Variants in MYLK2 observed in about 807,000 individuals in gnomAD.
MYLK2 encodes myosin light chain kinase 2.
In MYLK2, 27 loss-of-function variants were observed where a neutral mutation model predicts 58.2. The observed-to-expected ratio is 0.46, with a 90% CI of 0.34 to 0.64. MYLK2 has a LOEUF of 0.64. Among genes scored for constraint, MYLK2 ranks in the 30% least tolerant of loss-of-function variants. The probability of loss-of-function intolerance (pLI) is 0.01; values close to 1 mark genes in which losing one functional copy is unlikely to be tolerated. For missense variants in MYLK2, 676 were observed against 764.3 expected (o/e 0.88, Z 1.36); for synonymous variants, 310 against 296.7 (o/e 1.04, Z -0.46).
At position 31,826,683 on chromosome 20, in the gene MYLK2, A is replaced by T. The variant is rs2062281279; in HGVS notation, c.1051A>T (p.Thr351Ser). Residue 351 changes from threonine to serine, a missense_variant, in exon 7 of 13, where the codon ACT (threonine) becomes TCT (serine). Physicochemically the swap from Thr to Ser is moderately conservative, Grantham distance 58. Coordinates refer to ENST00000375985, the MANE Select transcript of MYLK2 (RefSeq NM_033118.4). ...NLIQLYAAIE[T>S]PHEIVLFMEY... ...GATCCAGCTGTATGCAGCCATCGAG[A>T]CTCCGCATGAGATCGTCCTGTTCAT... 1 of 1,613,410 alleles carries T rather than the reference A, an allele frequency of 6.2e-7. No homozygotes were observed. The highest frequency in any genetic ancestry group is 2.2e-5 in the East Asian group (1 of 44,858).
rs1271778499 is a variant in MYLK2, at chr20:31,826,788, T to C, written c.1083-9T>C. On this transcript the variant is annotated splice_polypyrimidine_tract_variant and intron_variant, in intron 7 of 12. Transcript: ENST00000375985. ...ACGGAGCAAGCCGTGGAGGGGTCTGTGCACACAGCATCGAGGGCGGAGAGC... is the reference window on the plus strand; with the variant it reads ...ACGGAGCAAGCCGTGGAGGGGTCTGCGCACACAGCATCGAGGGCGGAGAGC... 1 of 1,613,974 alleles carries C rather than the reference T, an allele frequency of 6.2e-7. No individual in the cohort carries two copies. Among genetic ancestry groups the C allele is most frequent in the Non-Finnish European group, 8.5e-7 (1 of 1,180,002 alleles).
Position 31,832,007 on chromosome 20 carries a change from C to G in MYLK2, c.1581C>G (p.Ala527=). 5 of 1,610,408 alleles carry G rather than the reference C, an allele frequency of 3.1e-6. No individual in the cohort carries two copies. The highest frequency in any genetic ancestry group is 4.2e-6 in the Non-Finnish European group (5 of 1,178,292). The change falls in exon 12 of 13, where the codon GCC becomes GCG. Residue 527 remains alanine (A), a synonymous_variant. Transcript: ENST00000375985. ...CACCATGCTGCCTCTCCCCCAGGGC[C>G]CGGATGAACGCTGCCCAGTGTCTCG... ...VSNLIVKDQR[A]RMNAAQCLAH...
At position 31,829,135 on chromosome 20, in the gene MYLK2, G is replaced by A. The variant is rs116712987; in HGVS notation, c.1225-1684G>A. 6.7e-3 allele frequency among the ~76,000 whole-genome samples: 1,020 copies of A among 152,298 alleles called. 16 individuals are homozygous for A. Among genetic ancestry groups the A allele is most frequent in the African/African-American group, 0.023 (969 of 41,548 alleles). ...GACATTGGAAGACTGCCTTTCCCTA[G>A]TGAAGGCTAATTTCTTTGGGGCAGA... On this transcript the variant is annotated intron_variant, in intron 8 of 12. Transcript: ENST00000375985.
At position 31,831,160 on chromosome 20, in the gene MYLK2, C is replaced by T. The variant is rs549728739; in HGVS notation, c.1424+19C>T. Reference sequence around the variant, plus strand: ...ACATGCTGTGAGCTCCCAGGCGGGTCGTGTTTATGGGGTTGGTGGGGCATG... The same window carrying T: ...ACATGCTGTGAGCTCCCAGGCGGGTTGTGTTTATGGGGTTGGTGGGGCATG... On this transcript the variant is annotated intron_variant, in intron 10 of 12. Transcript: ENST00000375985. The T allele has an allele frequency of 1.9e-5, 30 of 1,613,782 alleles. No homozygotes were observed. Among genetic ancestry groups the T allele is most frequent in the Middle Eastern group, 3.3e-4 (2 of 6,060 alleles).
At chr20:31,831,901 G>A in intron 11 of MYLK2, 46 bp downstream of exon 11, 1 of 1,613,842 alleles carries the variant, frequency 6.2e-7, no homozygotes, top group Admixed American at 1.7e-5. Context: ...CAAGCTTAGT[G>A]TGTCTGAGTG....
intron 8 of MYLK2, among the ~76,000 whole-genome samples, chr20:31,829,006 G>A (rs1319385848): frequency 2.0e-5 from 3 of 152,162 alleles, no homozygotes; most frequent in Non-Finnish European, 4.4e-5. Context: ...CTGAGGGTTT[G>A]CATGTGTGAG....
At position 31,819,382 on chromosome 20, in the gene MYLK2, A is replaced by C; in HGVS notation, c.-95A>C. 1.5e-6 allele frequency: 1 copy of C among 672,530 alleles called. No homozygotes were observed. 41.7% of individuals were successfully genotyped at this position (672,530 alleles called of 1,614,324 possible). A position where few individuals can be genotyped will look rare whatever the true frequency, so the allele number is the denominator to read the frequency against. ...CAACTGCCCAGGACTGCTCCTGAGC[A>C]GCCGCTGGGAGACAGACGGCAACCA... On this transcript the variant is annotated 5_prime_UTR_variant, in exon 1 of 13. Coordinates refer to ENST00000375985, the MANE Select transcript of MYLK2 (RefSeq NM_033118.4).
intron 12 of MYLK2, among the ~76,000 whole-genome samples, chr20:31,832,653 T>C (rs766929197): frequency 6.6e-6 from 1 of 152,048 alleles, no homozygotes; most frequent in Non-Finnish European, 1.5e-5. Context: ...CCATCACACC[T>C]GGCTAATTTT....
At chr20:31,820,082 G>C (rs749848657) in intron 2 of MYLK2, 44 bp from the exon 3 acceptor site, 11 of 1,611,230 alleles carry the variant, frequency 6.8e-6, no homozygotes, top group Non-Finnish European at 9.3e-6. Context: ...TGAGAGGGAA[G>C]GAAAGGAGGG....
chr20:31,833,757 A>C lies in MYLK2; in HGVS notation c.1751A>C (p.Lys584Thr). Residue 584 changes from lysine (K) to threonine (T), a missense_variant, in exon 13 of 13, where the codon AAG becomes ACG. Lys to Thr is a moderately conservative substitution (Grantham distance 78). This residue lies in a region of MYLK2 where 370 missense variants were observed against 467.8 expected (regional missense o/e 0.79). Coordinates refer to ENST00000375985, the MANE Select transcript of MYLK2 (RefSeq NM_033118.4). ...IAVSAANRFK[K>T]ISSSGALMAL... ...GTCAGCGCTGCCAACCGCTTCAAGAAGATCAGCAGCTCGGGGGCACTGATG... is the reference window on the plus strand; with the variant it reads ...GTCAGCGCTGCCAACCGCTTCAAGACGATCAGCAGCTCGGGGGCACTGATG... 6.2e-7 allele frequency: 1 copy of C among 1,613,868 alleles called. No homozygotes were observed. The highest frequency in any genetic ancestry group is 1.3e-5 in the African/African-American group (1 of 75,048).
At chr20:31,826,557 A>G in intron 6 of MYLK2, 48 bp from the exon 7 acceptor site, 1 of 1,612,246 alleles carries the variant, frequency 6.2e-7, no homozygotes, top group Non-Finnish European at 8.5e-7. Flanking sequence ...GGTGGGTGGC[A>G]GGGAGTGATG....
At chr20:31,827,919 G>T (rs1454907929) in intron 8 of MYLK2, among the ~76,000 whole-genome samples, 2 of 102,946 alleles carry the variant, frequency 1.9e-5, no homozygotes, top group African/African-American at 4.1e-5. Flanking sequence ...AGAAAGTCTT[G>T]GTCTGTTGGC....
chr20:31,833,952 C>T lies in MYLK2; in HGVS notation c.*155C>T. 1 of 668,950 alleles carries T rather than the reference C, an allele frequency of 1.5e-6. No homozygotes were observed. Among genetic ancestry groups the T allele is most frequent in the South Asian group, 1.8e-5 (1 of 55,878 alleles). The allele number at this position is 668,950 out of a possible 1,614,324, so 41.4% of individuals were successfully genotyped here. On this transcript the variant is annotated 3_prime_UTR_variant, in exon 13 of 13. Transcript: ENST00000375985. ...GGAGGCTCGGGGCTCCCCACGCCCC[C>T]ATGCAGTGACCGCTTCCCCGATGTG...
At position 31,834,014 on chromosome 20, in the gene MYLK2, G is replaced by C. The variant is rs945164671; in HGVS notation, c.*217G>C. 1.0e-5 allele frequency: 6 copies of C among 579,412 alleles called. No individual in the cohort carries two copies. The South Asian group carries it at 1.2e-4, about 12-fold the overall frequency. 35.9% of individuals were successfully genotyped at this position (579,412 alleles called of 1,614,324 possible). On this transcript the variant is annotated 3_prime_UTR_variant, in exon 13 of 13. Coordinates refer to ENST00000375985, the MANE Select transcript of MYLK2 (RefSeq NM_033118.4). ...AGTGTGGCCTGGATCCATCCTGCTAGCACCTCCCCAGACAGGGCTCCAGCC... is the reference window on the plus strand; with the variant it reads ...AGTGTGGCCTGGATCCATCCTGCTACCACCTCCCCAGACAGGGCTCCAGCC...
At chr20:31,824,115 C>A in intron 5 of MYLK2, 144 bp from the exon 6 acceptor site, 1 of 1,515,994 alleles carries the variant, frequency 6.6e-7, no homozygotes, top group South Asian at 1.2e-5. Context: ...GGAGTCAGGG[C>A]TGGCTGGGGT....
At chr20:31,831,621 C>A in intron 10 of MYLK2, 82 bp from the exon 11 acceptor site, 1 of 1,503,786 alleles carries the variant, frequency 6.6e-7, no homozygotes. Context: ...CTCCTAGGAT[C>A]TGCCCCTGTT....
rs1291816049 is a variant in MYLK2, at chr20:31,823,698, T to C, written c.878+116T>C. 1.6e-5 allele frequency: 17 copies of C among 1,047,454 alleles called. No homozygotes were observed. The East Asian group carries it at 4.0e-4, about 25-fold the overall frequency. The allele number at this position is 1,047,454 out of a possible 1,614,324, so 64.9% of individuals were successfully genotyped here. ...CACACCCCGCTGAGACATGGCCACA[T>C]GGACATGTTCACCTCTGTGTGGGAC... On this transcript the variant is annotated intron_variant, in intron 5 of 12. Transcript: ENST00000375985.
intron 6 of MYLK2, among the ~76,000 whole-genome samples, chr20:31,826,003 G>A (rs772458912): frequency 2.6e-5 from 4 of 152,156 alleles, no homozygotes; most frequent in East Asian, 1.9e-4. Flanking sequence ...GAGTTGGGTC[G>A]GAGGTGGGGT....
chr20:31,828,814 C>A (rs903893907), intron 8 of MYLK2, among the ~76,000 whole-genome samples: 1 of 152,088 alleles, frequency 6.6e-6, no homozygotes, highest in Admixed American at 6.6e-5. Flanking sequence ...CAGAGGAGGA[C>A]ACAAACAGGG....
Sources: allele counts gnomAD v4.1 joint callset (sites outside exome capture counted in the v4.1 genomes callset), GRCh38; gene constraint gnomAD v4.1.1; regional missense constraint gnomAD v4.1.1; transcripts MANE v1.5; gene names NCBI Gene and HGNC (gene_info 2026-07-23, HGNC 2026-07-21).